RALGPS1: variants seen among roughly 807,000 people sequenced by gnomAD.
RALGPS1 encodes ras-specific guanine nucleotide-releasing factor RalGPS1.
RALGPS1 carries 19 observed loss-of-function variants against 78.8 expected under a neutral mutation model. The observed-to-expected ratio is 0.24, with a 90% CI of 0.17 to 0.35. The LOEUF is 0.35. Among genes scored for constraint, RALGPS1 ranks in the 10% least tolerant of loss-of-function variants. The pLI, the probability that RALGPS1 is intolerant of heterozygous loss-of-function variation, is 1.00. For synonymous variants in RALGPS1, 228 were observed against 256.3 expected, an observed-to-expected ratio of 0.89 and a Z score of 1.06; for missense variants, 454 against 688.3, an observed-to-expected ratio of 0.66 and a Z score of 3.81.
At chr9:126,947,754 G>A (rs576319278) in intron 1 of RALGPS1, among the ~76,000 whole-genome samples, 40 of 152,182 alleles carry the variant, frequency 2.6e-4, no homozygotes, top group Non-Finnish European at 4.3e-4. Flanking sequence ...ACCCTGGTGG[G>A]GGTGGGGTTG....
chr9:126,967,018 C>T (rs935821898), intron 3 of RALGPS1, among the ~76,000 whole-genome samples: 2 of 152,100 alleles, frequency 1.3e-5, no homozygotes, highest in Non-Finnish European at 2.9e-5. Flanking sequence ...TAACCCATAC[C>T]CACGTCTCCT....
At chr9:127,057,495 A>G (rs1214656865) in intron 7 of RALGPS1, among the ~76,000 whole-genome samples, 1 of 152,212 alleles carries the variant, frequency 6.6e-6, no homozygotes, top group Non-Finnish European at 1.5e-5. Flanking sequence ...GGTGAGCTGC[A>G]CAGGACCGAC....
chr9:127,039,077 A>G (rs2047083618), intron 5 of RALGPS1, among the ~76,000 whole-genome samples: 1 of 152,040 alleles, frequency 6.6e-6, no homozygotes, highest in Non-Finnish European at 1.5e-5. Flanking sequence ...GAAGTTGGGG[A>G]AAGGTCCAGC....
chr9:127,051,579 A>G (rs895570643), intron 6 of RALGPS1, among the ~76,000 whole-genome samples: 1 of 152,268 alleles, frequency 6.6e-6, no homozygotes, highest in African/African-American at 2.4e-5. Context: ...ATCTATTCTT[A>G]CACACAGGAA....
chr9:127,003,694 C>CT lies in RALGPS1; in HGVS notation c.216+25958dup, dbSNP rs1310926109. ...ACTGTTTTCTTTCTTTCTTTCTTTT[C>CT]TTTTTTTTTAAAATTATTTTTTAAA... On this transcript the variant is annotated intron_variant, in intron 4 of 18. Coordinates refer to ENST00000259351, the MANE Select transcript of RALGPS1 (RefSeq NM_014636.3). Among the ~76,000 whole-genome samples, 31 of 150,396 alleles carry CT rather than the reference C, an allele frequency of 2.1e-4. No homozygotes were observed. In the East Asian group the frequency reaches 4.7e-3, roughly 23 times the overall value.
intron 8 of RALGPS1, among the ~76,000 whole-genome samples, chr9:127,094,176 T>C (rs1237342505): frequency 2.6e-5 from 4 of 152,200 alleles, no homozygotes; most frequent in Non-Finnish European, 4.4e-5. Context: ...GTTTGACTTT[T>C]GGCAGACTTC....
intron 13 of RALGPS1, among the ~76,000 whole-genome samples, chr9:127,197,995 T>C (rs2061431373): frequency 6.6e-6 from 1 of 152,214 alleles, no homozygotes; most frequent in Non-Finnish European, 1.5e-5. Context: ...AGCTGTTTTA[T>C]ATCCAGAAAA....
intron 10 of RALGPS1, among the ~76,000 whole-genome samples, chr9:127,171,732 C>G (rs2059576549): frequency 1.3e-5 from 2 of 152,138 alleles, no homozygotes; most frequent in African/African-American, 4.8e-5. Flanking sequence ...GCACTCCAGC[C>G]TAGGTGACAG....
chr9:127,158,843 GAATT>G (rs1025959149), intron 8 of RALGPS1, among the ~76,000 whole-genome samples: 1 of 148,000 alleles, frequency 6.8e-6, no homozygotes, highest in African/African-American at 2.5e-5. Context: ...TTTCATCTCA[GAATT>G]AATTGGTAAG....
intron 1 of RALGPS1, among the ~76,000 whole-genome samples, chr9:126,952,545 G>A (rs1429012139): frequency 6.6e-6 from 1 of 152,054 alleles, no homozygotes; most frequent in Admixed American, 6.6e-5. Context: ...TGAACTCCTG[G>A]CAGGAGGTCC....
chr9:126,917,630 G>A (rs551528201), intron 1 of RALGPS1, among the ~76,000 whole-genome samples: 3 of 152,256 alleles, frequency 2.0e-5, no homozygotes, highest in Non-Finnish European at 4.4e-5. Flanking sequence ...ACCTTGTGAG[G>A]TTGTTATGAA....
intron 17 of RALGPS1, 52 bp downstream of exon 17, chr9:127,213,101 C>A: frequency 6.2e-7 from 1 of 1,608,468 alleles, no homozygotes; most frequent in South Asian, 1.1e-5. Context: ...CCCATTTCCT[C>A]TCTTGCACAG....
At chr9:127,025,998 A>T (rs879867137) in intron 4 of RALGPS1, among the ~76,000 whole-genome samples, 11 of 152,084 alleles carry the variant, frequency 7.2e-5, no homozygotes, top group Non-Finnish European at 1.3e-4. Context: ...TTTACTTTTT[A>T]AAAAACATTG....
Position 127,212,524 on chromosome 9 carries a change from G to C in RALGPS1, c.1354-103G>C. ...TGGTGGAGGGCCAGGGAAGAGATGG[G>C]GCCTGCACTGGCATTGATGGGATGG... On this transcript the variant is annotated intron_variant, in intron 15 of 18. Transcript: ENST00000259351. This position sits in a 1 kb window ranked among gnomAD's most constrained non-coding sequence, Gnocchi z 6.0. 1 of 812,506 alleles carries C rather than the reference G, an allele frequency of 1.2e-6. No homozygotes were observed. Among genetic ancestry groups the C allele is most frequent in the Non-Finnish European group, 1.9e-6 (1 of 515,448 alleles). 50.3% of individuals were successfully genotyped at this position (812,506 alleles called of 1,614,324 possible).
chr9:127,000,378 T>C (rs1461712716), intron 4 of RALGPS1, among the ~76,000 whole-genome samples: 1 of 152,086 alleles, frequency 6.6e-6, no homozygotes, highest in African/African-American at 2.4e-5. Flanking sequence ...CCCACGCGTT[T>C]TGATATTTTG....
intron 5 of RALGPS1, among the ~76,000 whole-genome samples, chr9:127,044,508 G>A (rs1288723275): frequency 6.6e-6 from 1 of 152,064 alleles, no homozygotes; most frequent in African/African-American, 2.4e-5. Context: ...TGCCCTCCTC[G>A]GCCTCCCAAA....
intron 5 of RALGPS1, among the ~76,000 whole-genome samples, chr9:127,035,729 C>T (rs1343366421): frequency 6.6e-6 from 1 of 152,120 alleles, no homozygotes; most frequent in Non-Finnish European, 1.5e-5. Context: ...AAGATTGAGG[C>T]TCGAATTAGC....
At chr9:127,172,592 C>T (rs1202488215) in intron 10 of RALGPS1, among the ~76,000 whole-genome samples, 1 of 152,262 alleles carries the variant, frequency 6.6e-6, no homozygotes, top group Non-Finnish European at 1.5e-5. Context: ...CCATTCGCTT[C>T]TTGCTAACAG....
rs149422858 is a variant in RALGPS1, at chr9:127,182,388, C to T, written c.910+7606C>T. ...TTCCTTCCTCCCTCCCTCCCTCCCT[C>T]CCTCCCTCCCTTCCTTCCTCCCTTC... On this transcript the variant is annotated intron_variant, in intron 11 of 18. Transcript: ENST00000259351. 6.8e-3 allele frequency among the ~76,000 whole-genome samples: 277 copies of T among 40,656 alleles called. 8 individuals carry two copies. Among genetic ancestry groups the T allele is most frequent in the African/African-American group, 9.7e-3 (98 of 10,112 alleles). The allele number at this position is 40,656 out of a possible 152,430, so 26.7% of individuals were successfully genotyped here.
Sources: gnomAD v4.1 joint callset for allele counts (sites outside exome capture counted in the v4.1 genomes callset) on GRCh38, gnomAD v4.1.1 for gene constraint, Gnocchi (gnomAD v3.1) non-coding constraint, MANE v1.5 for transcripts, NCBI Gene and HGNC (gene_info 2026-07-23, HGNC 2026-07-21) for gene names.